The following USP40 variants were observed in gnomAD, a reference collection of about 807,000 sequenced individuals.
The protein encoded by USP40 is ubiquitin specific peptidase 40, also known as ubiquitin carboxyl-terminal hydrolase 40.
USP40 carries 143 observed loss-of-function variants against 166.2 expected under a neutral mutation model. The observed-to-expected ratio is 0.86, with a 90% CI of 0.75 to 0.99. The LOEUF (loss-of-function observed/expected upper bound fraction) is 0.99. Ranked by LOEUF, USP40 falls within the 50% of genes least tolerant of loss-of-function variation. USP40 has a pLI of 0.00. For synonymous variants in USP40, 498 were observed against 524.0 expected (o/e 0.95, Z 0.68); for missense variants, 1,444 against 1,479.7 (o/e 0.98, Z 0.40).
chr2:233,494,401 G>T (rs539839615), intron 24 of USP40, among the ~76,000 whole-genome samples: 1 of 151,922 alleles, frequency 6.6e-6, no homozygotes. Flanking sequence ...AGAATAATTT[G>T]CCTGTACCTG....
At chr2:233,487,329 T>C (rs893746609) in intron 28 of USP40, among the ~76,000 whole-genome samples, 3 of 152,224 alleles carry the variant, frequency 2.0e-5, no homozygotes, top group Admixed American at 6.5e-5. Flanking sequence ...GACGATGAAA[T>C]AGTCAATGCT....
intron 2 of USP40, 48 bp from the exon 3 acceptor site, chr2:233,562,851 T>A (rs969996981): frequency 3.5e-6 from 5 of 1,439,728 alleles, no homozygotes; most frequent in Non-Finnish European, 3.7e-6. Context: ...CATTTCATTT[T>A]AAAAAATTGT....
chr2:233,540,068 T>C (rs995291462), intron 10 of USP40, among the ~76,000 whole-genome samples: 4 of 143,458 alleles, frequency 2.8e-5, no homozygotes, highest in African/African-American at 1.1e-4. Context: ...GAGGTTGCAG[T>C]GAGCTGAGGT....
At position 233,525,593 on chromosome 2, in the gene USP40, G is replaced by A. The variant is rs776873227; in HGVS notation, c.1726-31C>T. 2.3e-5 allele frequency: 35 copies of A among 1,546,768 alleles called. 1 individual carries two copies. The South Asian group carries it at 3.8e-4, about 17-fold the overall frequency. On this transcript the variant is annotated intron_variant, in intron 13 of 31. Transcript: ENST00000678225. ...GAATATTAATGAAGGAAAAGAGAATGTTGAAAAGTGACATATACATATCAC... is the reference window on the plus strand; with the variant it reads ...GAATATTAATGAAGGAAAAGAGAATATTGAAAAGTGACATATACATATCAC...
chr2:233,539,646 T>C (rs893147234), intron 10 of USP40, among the ~76,000 whole-genome samples: 13 of 152,014 alleles, frequency 8.6e-5, no homozygotes, highest in African/African-American at 3.1e-4. Flanking sequence ...ATTTGTTGAA[T>C]ATAACTAGTG....
rs567463350 is a variant in USP40 at position 233,553,703 on chromosome 2, A to C, written c.693+677T>G. ...TTCCTGGAATGGAAAATAACTATGA[A>C]TTATACTACAGGAATGGCTACTGAT... On this transcript the variant is annotated intron_variant, in intron 6 of 31. Transcript: ENST00000678225. 1.1e-4 allele frequency among the ~76,000 whole-genome samples: 16 copies of C among 152,366 alleles called. No homozygotes were observed. The East Asian group carries it at 2.9e-3, about 27-fold the overall frequency.
chr2:233,525,418 T>C, intron 14 of USP40, 60 bp downstream of exon 14: 5 of 1,319,016 alleles, frequency 3.8e-6, no homozygotes, highest in African/African-American at 1.5e-5. Flanking sequence ...AAATCGCAGG[T>C]GAGCCGGACA....
intron 20 of USP40, 136 bp from the exon 21 acceptor site, chr2:233,510,271 G>T (rs752089185): frequency 3.2e-6 from 2 of 632,578 alleles, no homozygotes; most frequent in Non-Finnish European, 5.4e-6. Context: ...ATGAAAATAC[G>T]ACTATGATTA....
intron 8 of USP40, among the ~76,000 whole-genome samples, chr2:233,548,807 G>A (rs1043538084): frequency 6.6e-6 from 1 of 152,074 alleles, no homozygotes; most frequent in African/African-American, 2.4e-5. Flanking sequence ...TAATGATAAC[G>A]TTAATAATGT....
In USP40 at chr2:233,559,921, G is replaced by A. The variant is rs769149260; in HGVS notation, c.271C>T (p.Arg91Ter). ...CGCTGTAACTGTAAAGGGATGATTC[G>A]AACCTGAATGAGAAACAAACACATT... The part of the protein sequence containing the change: ...EDKDKPDAKV[R>*]IIPLQLQRLF... The change falls in exon 4 of 32, where the codon CGA (arginine) becomes TGA (stop). Residue 91 changes from arginine (R) to a stop codon, truncating the protein, a stop_gained. Coordinates refer to ENST00000678225, the MANE Select transcript of USP40 (RefSeq NM_001365479.2). LOFTEE classifies it high-confidence loss of function. 3.8e-6 allele frequency: 6 copies of A among 1,596,766 alleles called. No homozygotes were observed. Among genetic ancestry groups the A allele is most frequent in the Admixed American group, 1.7e-5 (1 of 57,488 alleles).
intron 15 of USP40, 66 bp from the exon 16 acceptor site, chr2:233,523,555 T>C: frequency 1.4e-6 from 2 of 1,423,662 alleles, no homozygotes; most frequent in East Asian, 4.8e-5. Context: ...CATAACATGG[T>C]AAAAGATTAC....
intron 10 of USP40, among the ~76,000 whole-genome samples, chr2:233,537,147 T>G (rs143102508): frequency 4.9e-4 from 75 of 152,334 alleles, no homozygotes; most frequent in African/African-American, 1.8e-3. Context: ...ACCTCCCTTT[T>G]GCTGGGATTA....
chr2:233,563,961 G>A (rs149605168), intron 2 of USP40, among the ~76,000 whole-genome samples: 2 of 152,244 alleles, frequency 1.3e-5, no homozygotes, highest in East Asian at 3.9e-4. Flanking sequence ...ACTTCGAGTT[G>A]TCCTTTAACT....
chr2:233,521,114 G>T lies in USP40; in HGVS notation c.2202C>A (p.Ser734Arg). 6.2e-7 allele frequency: 1 copy of T among 1,607,566 alleles called. No homozygotes were observed. The highest frequency in any genetic ancestry group is 8.5e-7 in the Non-Finnish European group (1 of 1,177,846). ...ILIQDSHDDN[S>R]LLTKEEKWVT... ...CCCATTTCTCTTCCTTGGTCAACAA[G>T]CTGTAGGTAAAAAGAAAAGATCAGA... Residue 734 changes from serine to arginine, a missense_variant and splice_region_variant, in exon 17 of 32, where the codon AGC (serine) becomes AGA (arginine). Coordinates refer to ENST00000678225, the MANE Select transcript of USP40 (RefSeq NM_001365479.2).
At chr2:233,533,386 CT>C (rs1559262402) in intron 11 of USP40, 92 bp downstream of exon 11, 5 of 1,334,290 alleles carry the variant, frequency 3.7e-6, no homozygotes, top group Non-Finnish European at 5.1e-6. Context: ...AAGAGTAAAC[CT>C]TTTTTTAAAA....
At chr2:233,481,079 G>T in intron 31 of USP40, 124 bp downstream of exon 31, 1 of 871,916 alleles carries the variant, frequency 1.1e-6, no homozygotes, top group Non-Finnish European at 1.8e-6. Context: ...CCGCCACACT[G>T]GTGTGCTTTG....
At chr2:233,507,294 T>C (rs1352131129) in intron 21 of USP40, among the ~76,000 whole-genome samples, 1 of 152,162 alleles carries the variant, frequency 6.6e-6, no homozygotes, top group African/African-American at 2.4e-5. Flanking sequence ...CATAGAACTA[T>C]CATGTGATTC....
chr2:233,547,610 C>T (rs13385018), intron 8 of USP40, among the ~76,000 whole-genome samples: 3,204 of 152,240 alleles, frequency 0.021, 50 homozygotes, highest in Non-Finnish European at 0.03. Flanking sequence ...TACTTATAGA[C>T]GTTTTACTGT....
chr2:233,527,346 G>A, intron 13 of USP40, 61 bp downstream of exon 13: 1 of 1,544,186 alleles, frequency 6.5e-7, no homozygotes, highest in Non-Finnish European at 8.8e-7. Flanking sequence ...AGAATGAAAT[G>A]GAGAGTCTAG....
Sources: gnomAD v4.1 joint callset for allele counts (sites outside exome capture counted in the v4.1 genomes callset) on GRCh38, gnomAD v4.1.1 for gene constraint, MANE v1.5 for transcripts, NCBI Gene and HGNC (gene_info 2026-07-23, HGNC 2026-07-21) for gene names.